Variants in GALNT6 observed in about 807,000 individuals in gnomAD.
The protein encoded by GALNT6 is GalNAc transferase 6.
In GALNT6, 51 loss-of-function variants were observed where a neutral mutation model predicts 65.9. The observed-to-expected ratio is 0.77, with a 90% CI of 0.62 to 0.98. The LOEUF (loss-of-function observed/expected upper bound fraction) is 0.98. Among genes scored for constraint, GALNT6 ranks in the 50% least tolerant of loss-of-function variants. The probability of loss-of-function intolerance (pLI) is 0.00; values close to 1 mark genes in which losing one functional copy is unlikely to be tolerated. For missense variants in GALNT6, 708 were observed against 803.3 expected (o/e 0.88, Z 1.43); for synonymous variants, 323 against 315.1 (o/e 1.02, Z -0.26).
At chr12:51,384,332 C>A (rs1001364017) in intron 2 of GALNT6, among the ~76,000 whole-genome samples, 2 of 152,216 alleles carry the variant, frequency 1.3e-5, no homozygotes, top group Non-Finnish European at 2.9e-5. Context: ...CTGCTGATTA[C>A]AATCCACTGT....
intron 2 of GALNT6, 41 bp downstream of exon 2, chr12:51,390,809 G>A (rs1175248039): frequency 6.6e-6 from 1 of 152,236 alleles, no homozygotes; most frequent in African/African-American, 2.4e-5. Context: ...TGGGCAAACT[G>A]ACCACCCTCC....
chr12:51,375,282 C>T (rs193229476), intron 4 of GALNT6, among the ~76,000 whole-genome samples: 2 of 152,180 alleles, frequency 1.3e-5, no homozygotes, highest in Admixed American at 1.3e-4. Flanking sequence ...TTATGCCATT[C>T]TCTTGTGGGA....
intron 9 of GALNT6, among the ~76,000 whole-genome samples, 183 bp downstream of exon 9, chr12:51,357,947 C>G (rs527747704): frequency 6.6e-6 from 1 of 152,242 alleles, no homozygotes; most frequent in East Asian, 1.9e-4. Flanking sequence ...TTGTTTTGCC[C>G]TTTATAAGGT....
intron 5 of GALNT6, 67 bp from the exon 6 acceptor site, chr12:51,364,422 G>GGCATTCCCTCC: frequency 9.0e-7 from 1 of 1,114,834 alleles, no homozygotes; most frequent in Non-Finnish European, 1.4e-6. Context: ...CTGCATCCTG[G>GGCATTCCCTCC]AGGGAATGCC....
In GALNT6 at chr12:51,388,262, C is replaced by T. The variant is rs142903501; in HGVS notation, c.-104+2588G>A. ...CTAGCATCTGGAGGATCAGCAGGAG[C>T]TGCCTGCCAGCCTCCTTTGCCTCGG... On this transcript the variant is annotated intron_variant, in intron 2 of 11. Coordinates refer to ENST00000356317, the MANE Select transcript of GALNT6 (RefSeq NM_007210.4). 8.8e-4 allele frequency among the ~76,000 whole-genome samples: 134 copies of T among 152,326 alleles called. 1 individual carries two copies. The highest frequency in any genetic ancestry group is 3.0e-3 in the African/African-American group (125 of 41,574).
intron 4 of GALNT6, among the ~76,000 whole-genome samples, chr12:51,372,455 C>T (rs1031528201): frequency 1.3e-5 from 2 of 152,106 alleles, no homozygotes; most frequent in Non-Finnish European, 2.9e-5. Flanking sequence ...GTGATTTTCC[C>T]ACCTCAGCCT....
chr12:51,358,990 G>T (rs780322605), intron 8 of GALNT6, 142 bp downstream of exon 8: 25 of 693,342 alleles, frequency 3.6e-5, no homozygotes, highest in Non-Finnish European at 6.1e-5. Flanking sequence ...CTTCTCCTGG[G>T]CTCTAGCTCA....
At chr12:51,366,402 C>T (rs1214157258) in intron 4 of GALNT6, among the ~76,000 whole-genome samples, 1 of 152,214 alleles carries the variant, frequency 6.6e-6, no homozygotes, top group African/African-American at 2.4e-5. Flanking sequence ...AATGGTGACT[C>T]CTTGCTTGCT....
At position 51,365,491 on chromosome 12, in the gene GALNT6, G is replaced by C. The variant is rs201384521; in HGVS notation, c.753C>G (p.Thr251=). ...VRQEERKGLI[T]ARLLGASVAQ... The stretch of plus-strand genomic sequence containing the variant: ...CCACGCTGGCCCCCAGCAGCCGGGC[G>C]GTGATCAGCCCCTTCCGCTCCTCCT... Residue 251 remains threonine, a synonymous_variant, in exon 5 of 12, where the codon ACC becomes ACG. Transcript: ENST00000356317. 3 of 1,612,378 alleles carry C rather than the reference G, an allele frequency of 1.9e-6. No individual in the cohort carries two copies. The highest frequency in any genetic ancestry group is 1.7e-6 in the Non-Finnish European group (2 of 1,179,984).
At chr12:51,385,455 T>G (rs1466289817) in intron 2 of GALNT6, among the ~76,000 whole-genome samples, 1 of 152,206 alleles carries the variant, frequency 6.6e-6, no homozygotes, top group Admixed American at 6.5e-5. Flanking sequence ...TTTGCAGAAT[T>G]TATGCTTGTA....
At chr12:51,378,887 C>G (rs928279164) in intron 3 of GALNT6, among the ~76,000 whole-genome samples, 5 of 144,234 alleles carry the variant, frequency 3.5e-5, no homozygotes, top group East Asian at 2.4e-4. Context: ...TGCCCACCCC[C>G]CCCCCAAACA....
chr12:51,358,825 G>A (rs1043542727), intron 8 of GALNT6, among the ~76,000 whole-genome samples: 3 of 152,078 alleles, frequency 2.0e-5, no homozygotes, highest in Non-Finnish European at 4.4e-5. Context: ...CCCCAGTGCC[G>A]AGGCTCTCAG....
Position 51,354,448 on chromosome 12 carries a change from G to C in GALNT6, c.1800C>G (p.Ser600=). 6.3e-7 allele frequency: 1 copy of C among 1,593,372 alleles called. No homozygotes were observed. ...RNSGSGTCLT[S]QDKKPAMAPC... ...GGGCCATGGCTGGCTTTTTGTCCTG[G>C]GATGTCAGGCAGGTACCAGATCCTG... The change falls in exon 12 of 12, where the codon TCC becomes TCG. Residue 600 remains serine, a synonymous_variant. Coordinates refer to ENST00000356317, the MANE Select transcript of GALNT6 (RefSeq NM_007210.4).
At chr12:51,389,267 A>G (rs1211424348) in intron 2 of GALNT6, among the ~76,000 whole-genome samples, 1 of 152,240 alleles carries the variant, frequency 6.6e-6, no homozygotes, top group African/African-American at 2.4e-5. Flanking sequence ...GTCGGAACAC[A>G]TCCGTGGGAG....
chr12:51,390,970 G>A (rs184560314), intron 1 of GALNT6, 33 bp from the exon 2 acceptor site: 1 of 152,476 alleles, frequency 6.6e-6, no homozygotes, highest in Non-Finnish European at 1.5e-5. Context: ...GACAGTCACA[G>A]TCATGAACAC....
intron 6 of GALNT6, 134 bp from the exon 7 acceptor site, chr12:51,360,972 T>A: frequency 1.6e-6 from 1 of 616,044 alleles, no homozygotes; most frequent in Non-Finnish European, 3.0e-6. Flanking sequence ...GTGCAGCCCC[T>A]CATCCACTAA....
chr12:51,357,572 TC>T (rs934457933), intron 9 of GALNT6, 122 bp from the exon 10 acceptor site: 41 of 675,728 alleles, frequency 6.1e-5, no homozygotes, highest in Non-Finnish European at 9.0e-5. Context: ...TGGCTGGATT[TC>T]CCCCGTCATT....
chr12:51,367,519 T>TA (rs1947148690), intron 4 of GALNT6, among the ~76,000 whole-genome samples: 1 of 152,264 alleles, frequency 6.6e-6, no homozygotes, highest in Admixed American at 6.5e-5. Context: ...TATGTTTTAC[T>TA]AACTGCCATT....
At position 51,352,639 on chromosome 12, in the gene GALNT6, T is replaced by C. The variant is rs1946642539; in HGVS notation, c.*1740A>G. On this transcript the variant is annotated 3_prime_UTR_variant, in exon 12 of 12. Coordinates refer to ENST00000356317, the MANE Select transcript of GALNT6 (RefSeq NM_007210.4). ...ACTAACATCCCAGGATTCCTAAGTGTGCTCTCTCCACAATGGCTACCTGGC... is the reference window on the plus strand; with the variant it reads ...ACTAACATCCCAGGATTCCTAAGTGCGCTCTCTCCACAATGGCTACCTGGC... The C allele has an allele frequency of 2.0e-5, 3 of 152,176 alleles. No individual in the cohort carries two copies. The highest frequency in any genetic ancestry group is 2.9e-5 in the Non-Finnish European group (2 of 68,046). 9.4% of individuals were successfully genotyped at this position (152,176 alleles called of 1,614,324 possible).
Sources: allele counts gnomAD v4.1 joint callset (sites outside exome capture counted in the v4.1 genomes callset), GRCh38; gene constraint gnomAD v4.1.1; transcripts MANE v1.5; gene names NCBI Gene and HGNC (gene_info 2026-07-23, HGNC 2026-07-21).